PCDHA10: variants seen among roughly 807,000 people sequenced by gnomAD.
PCDHA10 encodes the protein protocadherin alpha-10.
PCDHA10 carries 45 observed loss-of-function variants against 61.2 expected under a neutral mutation model. The ratio of observed to expected loss-of-function variants is 0.74; its 90% confidence interval spans 0.58 to 0.94. The LOEUF is 0.94. PCDHA10 is among the 40% of genes least tolerant of loss of function. The pLI is 0.00. For missense variants in PCDHA10, 1,278 were observed against 1,236.2 expected (o/e 1.03, Z -0.51); for synonymous variants, 602 against 548.8 (o/e 1.10, Z -1.35).
In PCDHA10 at chr5:140,967,951, C is replaced by G. The variant is rs150201840; in HGVS notation, c.2389-10998C>G. On this transcript the variant is annotated intron_variant, in intron 1 of 3. Transcript: ENST00000307360. ...TCAGTGTCAATGACCAAGACTCAGG[C>G]CCCAACCGGAAAGTGAGCCTGGGTC... 6 of 1,614,078 alleles carry G rather than the reference C, an allele frequency of 3.7e-6. No homozygotes were observed. The African/African-American group carries it at 6.7e-5, about 18-fold the overall frequency.
intron 1 of PCDHA10, chr5:140,927,020 T>G: frequency 6.2e-7 from 1 of 1,612,524 alleles, no homozygotes; most frequent in Non-Finnish European, 8.5e-7. Flanking sequence ...TCCGCGGACT[T>G]GAGGCTGCCA....
At chr5:140,951,541 G>C (rs1029557427) in intron 1 of PCDHA10, among the ~76,000 whole-genome samples, 5 of 152,092 alleles carry the variant, frequency 3.3e-5, no homozygotes, top group African/African-American at 1.2e-4. Flanking sequence ...AGGAGCAAGG[G>C]ACGGGGGGAA....
chr5:140,898,905 C>T (rs1313193763), intron 1 of PCDHA10, among the ~76,000 whole-genome samples: 5 of 152,060 alleles, frequency 3.3e-5, no homozygotes, highest in South Asian at 2.1e-4. Context: ...AGGTCCTTCA[C>T]GTCCCTTGTA....
chr5:140,865,315 G>A (rs183867521), intron 1 of PCDHA10: 43 of 152,182 alleles, frequency 2.8e-4, no homozygotes, highest in African/African-American at 7.9e-4. Flanking sequence ...CAAATGAGAT[G>A]GCCTTTAATT....
intron 1 of PCDHA10, chr5:140,859,934 A>G (rs2046100230): frequency 1.3e-5 from 2 of 152,070 alleles, no homozygotes; most frequent in Non-Finnish European, 2.9e-5. Flanking sequence ...TAAAAAACTT[A>G]GTAAAAACTC....
At chr5:140,870,273 C>G (rs1307506968) in intron 1 of PCDHA10, 3 of 1,614,192 alleles carry the variant, frequency 1.9e-6, no homozygotes, top group South Asian at 2.2e-5. Flanking sequence ...CGCTGACGCC[C>G]CACGTTCCCT....
intron 1 of PCDHA10, chr5:140,878,103 GA>G (rs748975221): frequency 2.9e-4 from 75 of 261,846 alleles, no homozygotes; most frequent in African/African-American, 1.3e-3. Context: ...GATGAACCTT[GA>G]AAAAAACAGT....
chr5:140,938,025 C>A (rs1431326044), intron 1 of PCDHA10, among the ~76,000 whole-genome samples: 5 of 151,978 alleles, frequency 3.3e-5, no homozygotes, highest in Non-Finnish European at 7.4e-5. Context: ...AGTAAAATCT[C>A]ATATTTTTAT....
Position 140,877,413 on chromosome 5 carries a change from G to T in PCDHA10, c.2388+18977G>T, listed in dbSNP as rs540811233. 2.4e-5 allele frequency: 39 copies of T among 1,613,922 alleles called. No homozygotes were observed. The East Asian group carries it at 2.5e-4, about 10-fold the overall frequency. On this transcript the variant is annotated intron_variant, in intron 1 of 3. Transcript: ENST00000307360. Reference sequence around the variant, plus strand: ...AGGCGGACGCTCCGCGCCACCGCCTGCTGGTGCTGGTGAAGGACCACGGTG... The same window carrying T: ...AGGCGGACGCTCCGCGCCACCGCCTTCTGGTGCTGGTGAAGGACCACGGTG...
intron 1 of PCDHA10, chr5:140,875,853 C>T (rs2055871558): frequency 6.2e-7 from 1 of 1,614,162 alleles, no homozygotes; most frequent in African/African-American, 1.3e-5. Flanking sequence ...AGGACATTAA[C>T]GACAACCCGC....
chr5:140,972,295 G>A (rs551210883), intron 1 of PCDHA10, among the ~76,000 whole-genome samples: 2 of 151,388 alleles, frequency 1.3e-5, no homozygotes, highest in South Asian at 2.1e-4. Context: ...GTGCGCCACC[G>A]TGTCTGACTA....
chr5:140,858,022 G>A lies in PCDHA10; in HGVS notation c.1974G>A (p.Leu658=), dbSNP rs1554151044. Residue 658 remains leucine (L), a synonymous_variant, in exon 1 of 4, where the codon CTG becomes CTA. Coordinates refer to ENST00000307360, the MANE Select transcript of PCDHA10 (RefSeq NM_018901.4). ...TGAAGGACCATGGCGAGCCGTCGCTGACGGCCACGGCCACTGTGCTTGTGT... is the reference window on the plus strand; with the variant it reads ...TGAAGGACCATGGCGAGCCGTCGCTAACGGCCACGGCCACTGTGCTTGTGT... ...VLVKDHGEPS[L]TATATVLVSL... The A allele has an allele frequency of 1.3e-6, 2 of 1,597,054 alleles. No individual in the cohort carries two copies. Among genetic ancestry groups the A allele is most frequent in the Non-Finnish European group, 8.6e-7 (1 of 1,167,228 alleles).
At chr5:140,945,371 A>G (rs926668947) in intron 1 of PCDHA10, among the ~76,000 whole-genome samples, 2 of 152,104 alleles carry the variant, frequency 1.3e-5, no homozygotes, top group African/African-American at 4.8e-5. Context: ...AAATGTCCAT[A>G]TTACCCAAAG....
chr5:140,933,413 T>A (rs2089136962), intron 1 of PCDHA10, among the ~76,000 whole-genome samples: 3 of 152,056 alleles, frequency 2.0e-5, no homozygotes, highest in Non-Finnish European at 4.4e-5. Flanking sequence ...TCTACAGATA[T>A]TCTGTGTTCA....
rs150906180 is a variant in PCDHA10, at chr5:140,856,813, G to T, written c.765G>T (p.Val255=). ...VYEVKMYENQ[V]NQTLVIRLNA... Reference sequence around the variant, plus strand: ...AAGTTAAGATGTATGAAAATCAAGTGAACCAAACATTAGTAATACGGCTCA... The same window carrying T: ...AAGTTAAGATGTATGAAAATCAAGTTAACCAAACATTAGTAATACGGCTCA... The change falls in exon 1 of 4, where the codon GTG becomes GTT. Residue 255 remains valine, a synonymous_variant. Transcript: ENST00000307360. 6.3e-7 allele frequency: 1 copy of T among 1,594,284 alleles called. No homozygotes were observed. Among genetic ancestry groups the T allele is most frequent in the East Asian group, 2.2e-5 (1 of 44,846 alleles).
At chr5:140,963,244 T>G (rs934081934) in intron 1 of PCDHA10, among the ~76,000 whole-genome samples, 6 of 152,104 alleles carry the variant, frequency 3.9e-5, no homozygotes, top group Admixed American at 3.3e-4. Flanking sequence ...ATGGATTAGG[T>G]AGGTTTTCAT....
At chr5:140,969,279 A>G (rs782221973) in intron 1 of PCDHA10, 3 of 1,614,244 alleles carry the variant, frequency 1.9e-6, no homozygotes, top group East Asian at 2.2e-5. Flanking sequence ...CAAAGTGGTC[A>G]GAATGCTGGG....
intron 1 of PCDHA10, chr5:140,870,040 A>C: frequency 6.2e-7 from 1 of 1,613,768 alleles, no homozygotes; most frequent in Non-Finnish European, 8.5e-7. Context: ...TGAAGAAAAC[A>C]AGTTTTATAA....
Position 140,856,866 on chromosome 5 carries a change from A to G in PCDHA10, c.818A>G (p.Asn273Ser). 1 of 1,595,900 alleles carries G rather than the reference A, an allele frequency of 6.3e-7. No individual in the cohort carries two copies. The highest frequency in any genetic ancestry group is 8.6e-7 in the Non-Finnish European group (1 of 1,165,598). Residue 273 changes from asparagine to serine, a missense_variant, in exon 1 of 4, where the codon AAC (asparagine) becomes AGC (serine). Physicochemically the swap from Asn to Ser is conservative, Grantham distance 46. Coordinates refer to ENST00000307360, the MANE Select transcript of PCDHA10 (RefSeq NM_018901.4). ...GCTTCTGATTCGGATGAAGGAATAA[A>G]CAAGGAAATGATGTATTCATTTAGC... is the stretch of plus-strand genomic sequence containing the variant. ...LNASDSDEGINKEMMYSFSSL... is the reference protein window; with the variant it reads ...LNASDSDEGISKEMMYSFSSL...
Sources: gnomAD v4.1 joint callset for allele counts (sites outside exome capture counted in the v4.1 genomes callset) on GRCh38, gnomAD v4.1.1 for gene constraint, MANE v1.5 for transcripts, NCBI Gene and HGNC (gene_info 2026-07-23, HGNC 2026-07-21) for gene names.